Variants in UBN1 observed in about 807,000 individuals in gnomAD.
UBN1 encodes ubinuclein-1.
A neutral mutation model predicts 108.5 loss-of-function variants in UBN1; 17 were observed. That is an observed-to-expected ratio of 0.16 (90% CI 0.11 to 0.24). The LOEUF is 0.24. Among genes scored for constraint, UBN1 ranks in the 10% least tolerant of loss-of-function variants. The pLI is 1.00. For synonymous variants in UBN1, 726 were observed against 564.2 expected (o/e 1.29, Z -4.07); for missense variants, 1,595 against 1,394.4 (o/e 1.14, Z -2.29).
intron 7 of UBN1, among the ~76,000 whole-genome samples, chr16:4,864,480 C>T (rs1232772620): frequency 2.6e-5 from 4 of 152,192 alleles, no homozygotes; most frequent in Non-Finnish European, 5.9e-5. Context: ...TCACATCAGC[C>T]TGTTTTTTGT....
chr16:4,874,422 C>T lies in UBN1; in HGVS notation c.2012C>T (p.Ser671Phe), dbSNP rs927553360. Residue 671 changes from serine (S) to phenylalanine (F), a missense_variant, in exon 15 of 18, where the codon TCC becomes TTC. Physicochemically the swap from Ser to Phe is radical, Grantham distance 155. Transcript: ENST00000262376. ...LDEDLIRNPA[S>F]SVEAVSKELA... ...GAAGACTTGATCCGCAATCCAGCCT[C>T]CTCGGTGGAAGCCGTGTCCAAGGAA... 3 of 1,614,142 alleles carry T rather than the reference C, an allele frequency of 1.9e-6. No homozygotes were observed. In the South Asian group the frequency reaches 3.3e-5, roughly 18 times the overall value.
In UBN1 at chr16:4,860,759, A is replaced by G; in HGVS notation, c.767A>G (p.Lys256Arg). ...ATGCTAAAGAAATTTCAGAAAGAGA[A>G]AGAGGCTCAGAAAAAAAGGGAGGAG... ...KEMLKKFQKE[K>R]EAQKKREEEH... Residue 256 changes from lysine to arginine, a missense_variant, in exon 7 of 18, where the codon AAA becomes AGA. By Grantham distance (26) the Lys-to-Arg change is conservative. Transcript: ENST00000262376. 1 of 1,614,274 alleles carries G rather than the reference A, an allele frequency of 6.2e-7. No homozygotes were observed. The highest frequency in any genetic ancestry group is 8.5e-7 in the Non-Finnish European group (1 of 1,180,044).
intron 2 of UBN1, among the ~76,000 whole-genome samples, chr16:4,855,585 G>A (rs1324542210): frequency 6.8e-6 from 1 of 146,044 alleles, no homozygotes; most frequent in East Asian, 2.0e-4. Flanking sequence ...CACCGCACTG[G>A]GTGAAAGCAA....
intron 7 of UBN1, among the ~76,000 whole-genome samples, chr16:4,861,559 G>A (rs1029555840): frequency 6.6e-6 from 1 of 152,242 alleles, no homozygotes; most frequent in Non-Finnish European, 1.5e-5. Flanking sequence ...CTTGCGTTGT[G>A]TATCCAGTGT....
chr16:4,866,264 A>G lies in UBN1; in HGVS notation c.1111-2569A>G, dbSNP rs145731219. ...GTGAAAAGTCATGCCCTTTTTTTCC[A>G]TTATTCGTCTGTGGATTTCACCCCT... is the stretch of plus-strand genomic sequence containing the variant. On this transcript the variant is annotated intron_variant, in intron 7 of 17. Coordinates refer to ENST00000262376, the MANE Select transcript of UBN1 (RefSeq NM_001079514.3). Among the ~76,000 whole-genome samples, 303 of 152,156 alleles carry G rather than the reference A, an allele frequency of 2.0e-3. 1 individual carries two copies. Among genetic ancestry groups the G allele is most frequent in the African/African-American group, 6.1e-3 (255 of 41,518 alleles).
chr16:4,860,718 T>A lies in UBN1; in HGVS notation c.726T>A (p.Ala242=). Residue 242 remains alanine, a synonymous_variant, in exon 7 of 18, where the codon GCT becomes GCA. Coordinates refer to ENST00000262376, the MANE Select transcript of UBN1 (RefSeq NM_001079514.3). ...AGAAGAAGAAGAAATATTCTGGGGC[T>A]TTAAGCGTTAAAGAGATGCTAAAGA... ...KEKKKKKYSG[A]LSVKEMLKKF... is the part of the protein sequence containing the mutation. 1 of 1,614,142 alleles carries A rather than the reference T, an allele frequency of 6.2e-7. No homozygotes were observed. The highest frequency in any genetic ancestry group is 8.5e-7 in the Non-Finnish European group (1 of 1,180,038).
At chr16:4,879,848 C>T (rs1252498619) in intron 17 of UBN1, among the ~76,000 whole-genome samples, 1 of 151,948 alleles carries the variant, frequency 6.6e-6, no homozygotes. Flanking sequence ...TCTGGAAACA[C>T]TGTGCTGAGT....
chr16:4,850,860 T>C (rs2086525115), intron 1 of UBN1, among the ~76,000 whole-genome samples: 1 of 152,250 alleles, frequency 6.6e-6, no homozygotes, highest in Non-Finnish European at 1.5e-5. Context: ...AGTGAGTTTT[T>C]TTGAAACCTG....
At chr16:4,860,028 G>C in intron 6 of UBN1, 60 bp downstream of exon 6, 1 of 1,599,620 alleles carries the variant, frequency 6.3e-7, no homozygotes, top group South Asian at 1.1e-5. Flanking sequence ...AGGACGACTG[G>C]GAGCTGACTC....
At chr16:4,879,814 C>T (rs937886133) in intron 17 of UBN1, among the ~76,000 whole-genome samples, 1 of 152,146 alleles carries the variant, frequency 6.6e-6, no homozygotes, top group Non-Finnish European at 1.5e-5. Flanking sequence ...TGACGTAGCC[C>T]AAGTTGCACA....
chr16:4,872,806 G>A, intron 12 of UBN1, 78 bp from the exon 13 acceptor site: 1 of 1,531,306 alleles, frequency 6.5e-7, no homozygotes, highest in South Asian at 1.1e-5. Flanking sequence ...TGAGGACCAG[G>A]GACACTAGCA....
rs1363223726 is a variant in UBN1, at chr16:4,877,495, G to T, written c.3355+21G>T. ...GCCAGGTAATCACCCGACGGTCAGTGTGCCACGCGCACCGTGTGCCTTTGC... is the reference window on the plus strand; with the variant it reads ...GCCAGGTAATCACCCGACGGTCAGTTTGCCACGCGCACCGTGTGCCTTTGC... On this transcript the variant is annotated intron_variant, in intron 17 of 17. Transcript: ENST00000262376. This position sits in a 1 kb window ranked among gnomAD's most constrained non-coding sequence, Gnocchi z 4.3. 1.9e-6 allele frequency: 3 copies of T among 1,602,190 alleles called. No individual in the cohort carries two copies. The highest frequency in any genetic ancestry group is 2.6e-6 in the Non-Finnish European group (3 of 1,175,944).
At chr16:4,848,299 G>A (rs1002465466) in intron 1 of UBN1, 89 bp downstream of exon 1, 1 of 152,290 alleles carries the variant, frequency 6.6e-6, no homozygotes, top group African/African-American at 2.4e-5. Flanking sequence ...GAAGACAGAT[G>A]CCGGGCGTAG....
chr16:4,875,486 G>C (rs780482117), intron 15 of UBN1, 52 bp downstream of exon 15: 1 of 1,552,852 alleles, frequency 6.4e-7, no homozygotes, highest in Non-Finnish European at 8.7e-7. Context: ...GGGCCTTGGG[G>C]ATGAGGTTGC....
At chr16:4,873,399 A>T (rs754628318) in intron 14 of UBN1, among the ~76,000 whole-genome samples, 1 of 152,038 alleles carries the variant, frequency 6.6e-6, no homozygotes, top group Non-Finnish European at 1.5e-5. Flanking sequence ...GAAGAAATAC[A>T]CTCTAGCCAA....
intron 6 of UBN1, 40 bp downstream of exon 6, chr16:4,860,008 C>T (rs370265873): frequency 1.2e-6 from 2 of 1,611,568 alleles, no homozygotes; most frequent in Non-Finnish European, 1.7e-6. Flanking sequence ...AAAGCCTGAA[C>T]TGTTAGGGCA....
intron 3 of UBN1, 46 bp from the exon 4 acceptor site, chr16:4,858,522 G>A (rs746441860): frequency 1.9e-6 from 3 of 1,560,430 alleles, no homozygotes; most frequent in Non-Finnish European, 2.6e-6. Context: ...AGTTAATTCT[G>A]TGTGTTTATT....
chr16:4,853,703 A>G (rs1258977791), intron 2 of UBN1, among the ~76,000 whole-genome samples: 2 of 151,774 alleles, frequency 1.3e-5, no homozygotes, highest in African/African-American at 2.4e-5. Flanking sequence ...GACTGACTAC[A>G]GGTGCACGCC....
At chr16:4,879,371 A>G (rs77220104) in intron 17 of UBN1, among the ~76,000 whole-genome samples, 10,756 of 151,418 alleles carry the variant, frequency 0.071, 449 homozygotes, top group Non-Finnish European at 0.074. Context: ...CCCAGGAATC[A>G]GAGGGTATAG....
Sources: allele counts gnomAD v4.1 joint callset (sites outside exome capture counted in the v4.1 genomes callset), GRCh38; gene constraint gnomAD v4.1.1; non-coding constraint Gnocchi (gnomAD v3.1); transcripts MANE v1.5; gene names NCBI Gene and HGNC (gene_info 2026-07-23, HGNC 2026-07-21).